The following PDE4B variants were observed in gnomAD, a reference collection of about 807,000 sequenced individuals.
PDE4B encodes the protein 3',5'-cyclic-AMP phosphodiesterase 4B.
PDE4B carries 20 observed loss-of-function variants against 82.2 expected under a neutral mutation model. The observed-to-expected ratio is 0.24, with a 90% CI of 0.17 to 0.35. PDE4B has a LOEUF of 0.35. Ranked by LOEUF, PDE4B falls within the 10% of genes least tolerant of loss-of-function variation. The pLI, the probability that PDE4B is intolerant of heterozygous loss-of-function variation, is 1.00. For missense variants in PDE4B, 655 were observed against 907.2 expected (o/e 0.72, Z 3.57); for synonymous variants, 320 against 318.9 (o/e 1.00, Z -0.04).
At chr1:66,078,757 A>AT (rs758948411) in intron 3 of PDE4B, among the ~76,000 whole-genome samples, 1 of 151,906 alleles carries the variant, frequency 6.6e-6, no homozygotes, top group Non-Finnish European at 1.5e-5. Flanking sequence ...TTGTCTTTTC[A>AT]TTTTTTTCTG....
intron 3 of PDE4B, among the ~76,000 whole-genome samples, chr1:66,010,553 G>A (rs1050408820): frequency 3.3e-5 from 5 of 150,830 alleles, no homozygotes; most frequent in Admixed American, 1.3e-4. Flanking sequence ...TACATAATGG[G>A]CATTAAGTAG....
At chr1:65,910,779 C>T (rs540427083) in intron 1 of PDE4B, among the ~76,000 whole-genome samples, 1 of 152,280 alleles carries the variant, frequency 6.6e-6, no homozygotes, top group African/African-American at 2.4e-5. Flanking sequence ...TCTTTTGCAA[C>T]TGCCTCCATT....
intron 1 of PDE4B, among the ~76,000 whole-genome samples, chr1:65,904,526 A>G (rs1405990338): frequency 6.6e-6 from 1 of 152,074 alleles, no homozygotes; most frequent in Admixed American, 6.6e-5. Flanking sequence ...CCAACTGCAT[A>G]TCTCTCCTTT....
chr1:65,992,296 G>A (rs1411993813), intron 3 of PDE4B: 1 of 152,240 alleles, frequency 6.6e-6, no homozygotes, highest in African/African-American at 2.4e-5. Flanking sequence ...GCGATGAAGG[G>A]TGTTGTTAAG....
chr1:65,924,092 T>TTTTA, intron 3 of PDE4B, among the ~76,000 whole-genome samples: 1 of 93,474 alleles, frequency 1.1e-5, no homozygotes, highest in African/African-American at 3.7e-5. Flanking sequence ...TTTTTTTTTT[T>TTTTA]GAGACGGAGT....
At chr1:66,354,409 G>T (rs1235100943) in intron 8 of PDE4B, 2 of 987,082 alleles carry the variant, frequency 2.0e-6, no homozygotes, top group Non-Finnish European at 2.4e-6. Context: ...TTTAAAAGAT[G>T]GCTGTGTTTC....
chr1:66,234,317 C>G lies in PDE4B; in HGVS notation c.282-13143C>G, dbSNP rs1256368978. 2.6e-5 allele frequency among the ~76,000 whole-genome samples: 4 copies of G among 152,176 alleles called. No homozygotes were observed. The South Asian group carries it at 6.2e-4, about 24-fold the overall frequency. On this transcript the variant is annotated intron_variant, in intron 3 of 16. Coordinates refer to ENST00000341517, the MANE Select transcript of PDE4B (RefSeq NM_002600.4). ...ATTATTATTATTTTTGAGACGGAGTCTTGCTCTGTCGCCAAGACTGGAGTG... is the reference window on the plus strand; with the variant it reads ...ATTATTATTATTTTTGAGACGGAGTGTTGCTCTGTCGCCAAGACTGGAGTG...
intron 1 of PDE4B, among the ~76,000 whole-genome samples, chr1:65,842,265 G>T (rs10218482): frequency 0.16 from 24,419 of 151,572 alleles, 2,076 homozygotes; most frequent in African/African-American, 0.2. Context: ...TAAGAAAGTG[G>T]TTTTTTTTGC....
At chr1:66,335,833 C>T (rs1660473536) in intron 8 of PDE4B, among the ~76,000 whole-genome samples, 4 of 152,312 alleles carry the variant, frequency 2.6e-5, no homozygotes, top group Admixed American at 6.5e-5. Context: ...TAGAGCTAGC[C>T]GTTTTGCTTA....
intron 3 of PDE4B, among the ~76,000 whole-genome samples, chr1:66,033,671 A>G (rs1224383386): frequency 6.6e-6 from 1 of 152,078 alleles, no homozygotes; most frequent in Non-Finnish European, 1.5e-5. Context: ...AAGCCAGAGA[A>G]AGGGTAAGTG....
At chr1:65,900,634 G>T (rs1334885900) in intron 1 of PDE4B, among the ~76,000 whole-genome samples, 4 of 152,006 alleles carry the variant, frequency 2.6e-5, no homozygotes, top group Non-Finnish European at 5.9e-5. Flanking sequence ...ATTTCTTTCA[G>T]CAATGTTTTA....
At chr1:66,278,709 C>T (rs1353846204) in intron 7 of PDE4B, among the ~76,000 whole-genome samples, 1 of 152,152 alleles carries the variant, frequency 6.6e-6, no homozygotes, top group Non-Finnish European at 1.5e-5. Flanking sequence ...TTTGTAAGCT[C>T]GGAAGTCTTT....
intron 3 of PDE4B, among the ~76,000 whole-genome samples, chr1:66,087,935 G>C (rs561728610): frequency 1.1e-4 from 17 of 151,208 alleles, no homozygotes; most frequent in Admixed American, 5.3e-4. Flanking sequence ...GAGTTAGTGG[G>C]TGCAGCACAC....
intron 7 of PDE4B, among the ~76,000 whole-genome samples, chr1:66,283,814 A>C (rs1656464831): frequency 6.6e-6 from 1 of 152,162 alleles, no homozygotes; most frequent in African/African-American, 2.4e-5. Context: ...TAGAACTCTG[A>C]TGTCAGACAA....
At chr1:66,328,413 G>A (rs1659880703) in intron 7 of PDE4B, among the ~76,000 whole-genome samples, 1 of 152,176 alleles carries the variant, frequency 6.6e-6, no homozygotes, top group Admixed American at 6.5e-5. Flanking sequence ...TCTTTTCAGG[G>A]CCATCTTATG....
At chr1:66,031,145 G>T (rs114390768) in intron 3 of PDE4B, among the ~76,000 whole-genome samples, 1 of 151,816 alleles carries the variant, frequency 6.6e-6, no homozygotes, top group Non-Finnish European at 1.5e-5. Flanking sequence ...AAAATAAATT[G>T]TACAAAAAAA....
intron 3 of PDE4B, among the ~76,000 whole-genome samples, chr1:65,923,455 C>G (rs2100492710): frequency 6.6e-6 from 1 of 152,282 alleles, no homozygotes; most frequent in African/African-American, 2.4e-5. Context: ...TTCTCTCTCT[C>G]TGTATATCTT....
At chr1:65,895,465 G>A (rs1210469419) in intron 1 of PDE4B, among the ~76,000 whole-genome samples, 1 of 148,904 alleles carries the variant, frequency 6.7e-6, no homozygotes, top group Non-Finnish European at 1.5e-5. Context: ...CAGGAGAATC[G>A]CTTGAACCCG....
intron 1 of PDE4B, among the ~76,000 whole-genome samples, chr1:65,865,214 C>T (rs139301594): frequency 6.6e-6 from 1 of 152,280 alleles, no homozygotes; most frequent in South Asian, 2.1e-4. Flanking sequence ...TCAGTAATGG[C>T]GGATGTCCTT....
Sources: allele counts gnomAD v4.1 joint callset (sites outside exome capture counted in the v4.1 genomes callset), GRCh38; gene constraint gnomAD v4.1.1; transcripts MANE v1.5; gene names NCBI Gene and HGNC (gene_info 2026-07-23, HGNC 2026-07-21).